Variants in KIAA0319 observed in about 807,000 individuals in gnomAD.
The protein encoded by KIAA0319 is dyslexia-associated protein KIAA0319.
Under a neutral mutation model 108.4 loss-of-function variants are expected in KIAA0319, and 83 were observed. That is an observed-to-expected ratio of 0.77 (90% CI 0.64 to 0.92). The LOEUF (loss-of-function observed/expected upper bound fraction) is 0.92. KIAA0319 is among the 40% of genes least tolerant of loss of function. The probability of loss-of-function intolerance (pLI) is 0.00; values close to 1 mark genes in which losing one functional copy is unlikely to be tolerated. For missense variants in KIAA0319, 1,195 were observed against 1,322.4 expected, an observed-to-expected ratio of 0.90 and a Z score of 1.49; for synonymous variants, 484 against 510.4, an observed-to-expected ratio of 0.95 and a Z score of 0.70.
chr6:24,573,631 TACAC>T (rs1209053749), intron 10 of KIAA0319, among the ~76,000 whole-genome samples: 3 of 152,226 alleles, frequency 2.0e-5, no homozygotes, highest in East Asian at 1.9e-4. Context: ...TACGCACACT[TACAC>T]AGACACATGG....
At chr6:24,594,436 G>A (rs1163446759) in intron 3 of KIAA0319, among the ~76,000 whole-genome samples, 1 of 151,452 alleles carries the variant, frequency 6.6e-6, no homozygotes, top group African/African-American at 2.4e-5. Flanking sequence ...AGCCAGCCTG[G>A]CCAACATAGT....
intron 17 of KIAA0319, among the ~76,000 whole-genome samples, chr6:24,557,155 A>T (rs1762413484): frequency 6.6e-6 from 1 of 152,116 alleles, no homozygotes; most frequent in Non-Finnish European, 1.5e-5. Context: ...CAGTGAGCCG[A>T]GATCGCGCCA....
intron 11 of KIAA0319, among the ~76,000 whole-genome samples, chr6:24,571,480 T>G (rs549970054): frequency 1.3e-5 from 2 of 151,886 alleles, no homozygotes; most frequent in East Asian, 3.9e-4. Context: ...CACTACAAAA[T>G]AGGGGTTTCC....
intron 4 of KIAA0319, among the ~76,000 whole-genome samples, chr6:24,584,925 T>C (rs921247880): frequency 2.0e-5 from 3 of 152,194 alleles, no homozygotes; most frequent in Admixed American, 6.5e-5. Flanking sequence ...GGCCAGTTTC[T>C]TTTTCCGTAT....
At chr6:24,553,230 T>C (rs1761762295) in intron 19 of KIAA0319, among the ~76,000 whole-genome samples, 1 of 148,640 alleles carries the variant, frequency 6.7e-6, no homozygotes, top group African/African-American at 2.5e-5. Context: ...CAGAACTCCT[T>C]CCTCTATTGA....
At chr6:24,548,487 A>G (rs1367214345) in intron 20 of KIAA0319, among the ~76,000 whole-genome samples, 1 of 152,160 alleles carries the variant, frequency 6.6e-6, no homozygotes, top group Non-Finnish European at 1.5e-5. Flanking sequence ...AGGGAGAATC[A>G]GCTGGGAAAG....
chr6:24,567,194 G>GA (rs1305853173), intron 13 of KIAA0319, among the ~76,000 whole-genome samples: 1 of 141,656 alleles, frequency 7.1e-6, no homozygotes, highest in East Asian at 2.0e-4. Flanking sequence ...CAAAAAAAAA[G>GA]AAAAAAAAAA....
At chr6:24,575,726 G>A (rs1203200915) in intron 10 of KIAA0319, among the ~76,000 whole-genome samples, 1 of 151,874 alleles carries the variant, frequency 6.6e-6, no homozygotes, top group African/African-American at 2.4e-5. Flanking sequence ...AAAGGAAGAT[G>A]GAAATGTAAG....
chr6:24,598,115 C>T, intron 2 of KIAA0319: 1 of 441,782 alleles, frequency 2.3e-6, no homozygotes, highest in South Asian at 1.9e-5. Context: ...AGCATCAGCT[C>T]CTTGAGCTTC....
chr6:24,595,546 C>CAAAAAAA (rs60291863), intron 3 of KIAA0319, among the ~76,000 whole-genome samples: 41 of 43,220 alleles, frequency 9.5e-4, no homozygotes, highest in Non-Finnish European at 1.3e-3. Flanking sequence ...GATTCAATCT[C>CAAAAAAA]AAAAAAAAAA....
intron 20 of KIAA0319, among the ~76,000 whole-genome samples, chr6:24,550,309 G>A (rs1222538447): frequency 2.0e-5 from 3 of 152,204 alleles, no homozygotes; most frequent in Non-Finnish European, 4.4e-5. Flanking sequence ...GGCCTAACCC[G>A]GTGCCTGTGC....
chr6:24,570,414 C>T (rs888332457), intron 11 of KIAA0319, among the ~76,000 whole-genome samples: 3 of 152,074 alleles, frequency 2.0e-5, no homozygotes, highest in African/African-American at 7.2e-5. Context: ...CGGTGAAACC[C>T]CGTCTCTACT....
At chr6:24,584,431 TAAA>T (rs5874993) in intron 4 of KIAA0319, among the ~76,000 whole-genome samples, 15 of 91,266 alleles carry the variant, frequency 1.6e-4, no homozygotes, top group South Asian at 3.9e-4. Flanking sequence ...AGCAAAGATT[TAAA>T]AAAAAAAAAA....
intron 1 of KIAA0319, among the ~76,000 whole-genome samples, chr6:24,635,439 C>A (rs1425514466): frequency 6.6e-6 from 1 of 152,038 alleles, no homozygotes; most frequent in African/African-American, 2.4e-5. Context: ...CAGCTTTTGG[C>A]TTAATTTTTT....
intron 16 of KIAA0319, among the ~76,000 whole-genome samples, chr6:24,561,717 T>C (rs1439917335): frequency 1.3e-5 from 2 of 151,984 alleles, no homozygotes; most frequent in African/African-American, 2.4e-5. Context: ...TAATTTTTTT[T>C]TTTTTTAAGA....
At chr6:24,570,826 A>G (rs888124630) in intron 11 of KIAA0319, among the ~76,000 whole-genome samples, 3 of 152,200 alleles carry the variant, frequency 2.0e-5, no homozygotes, top group African/African-American at 7.2e-5. Context: ...GTGCTAACAC[A>G]GTGCCTGGTA....
chr6:24,596,033 T>G lies in KIAA0319; in HGVS notation c.641A>C (p.Glu214Ala). The G allele has an allele frequency of 6.2e-7, 1 of 1,614,148 alleles. No homozygotes were observed. Among genetic ancestry groups the G allele is most frequent in the Non-Finnish European group, 8.5e-7 (1 of 1,180,012 alleles). ...AGCCGACTCATTCAGGTAATGGAGC[T>G]CAGGGTCCTGCTGCGTCTCCGCTGG... Reference protein sequence around the residue: ...AVPAETQQDPELHYLNESAST... With the variant: ...AVPAETQQDPALHYLNESAST... The change falls in exon 3 of 21, where the codon GAG becomes GCG. Residue 214 changes from glutamate to alanine, a missense_variant. Physicochemically the swap from Glu to Ala is moderately radical, Grantham distance 107. Coordinates refer to ENST00000378214, the MANE Select transcript of KIAA0319 (RefSeq NM_014809.4).
chr6:24,603,801 C>T (rs1771007390), intron 1 of KIAA0319, among the ~76,000 whole-genome samples: 1 of 152,184 alleles, frequency 6.6e-6, no homozygotes, highest in Non-Finnish European at 1.5e-5. Context: ...AAGATGGTGT[C>T]TGGAAGTTCT....
intron 1 of KIAA0319, among the ~76,000 whole-genome samples, chr6:24,644,684 G>A (rs1777392816): frequency 6.6e-6 from 1 of 150,546 alleles, no homozygotes; most frequent in Non-Finnish European, 1.5e-5. Context: ...GCTCTCTTTT[G>A]GCTATTTTTA....
Sources: allele counts gnomAD v4.1 joint callset (sites outside exome capture counted in the v4.1 genomes callset), GRCh38; gene constraint gnomAD v4.1.1; transcripts MANE v1.5; gene names NCBI Gene and HGNC (gene_info 2026-07-23, HGNC 2026-07-21).